The following GPC3 variants were observed in gnomAD, a reference collection of about 807,000 sequenced individuals.
The protein encoded by GPC3 is glypican-3.
Under a neutral mutation model 34.4 loss-of-function variants are expected in GPC3, and 3 were observed. The ratio of observed to expected loss-of-function variants is 0.09; its 90% CI spans 0.04 to 0.23. The LOEUF (loss-of-function observed/expected upper bound fraction) is 0.23. Ranked by LOEUF, GPC3 falls within the 10% of genes least tolerant of loss-of-function variation. The pLI is 1.00. For missense variants in GPC3, 351 were observed against 445.6 expected (o/e 0.79, Z 1.91); for synonymous variants, 177 against 174.0 (o/e 1.02, Z -0.13).
chrX:133,766,119 T>A (rs766744367), intron 2 of GPC3, among the ~76,000 whole-genome samples: 2 of 111,895 alleles, frequency 1.8e-5, no homozygotes, highest in East Asian at 5.6e-4. Flanking sequence ...TCTCTAAAGA[T>A]GTGTCCAATA....
chrX:133,677,219 C>T (rs1283394537), intron 5 of GPC3, among the ~76,000 whole-genome samples: 1 of 111,603 alleles, frequency 9.0e-6, no homozygotes, highest in African/African-American at 3.3e-5. Flanking sequence ...CCTGTAGCTC[C>T]AATAATACCT....
At chrX:133,862,473 G>A (rs1373755159) in intron 2 of GPC3, among the ~76,000 whole-genome samples, 4 of 104,833 alleles carry the variant, frequency 3.8e-5, no homozygotes, top group Non-Finnish European at 7.8e-5. Flanking sequence ...ACGGTCAGGA[G>A]TTTGAGACCA....
intron 2 of GPC3, among the ~76,000 whole-genome samples, chrX:133,795,468 G>A (rs760701403): frequency 1.6e-4 from 18 of 111,387 alleles, no homozygotes; most frequent in African/African-American, 5.5e-4. Context: ...GGTCAAGGTG[G>A]GGCGAGACAA....
intron 6 of GPC3, among the ~76,000 whole-genome samples, chrX:133,626,815 G>A (rs189717346): frequency 8.4e-5 from 9 of 107,088 alleles, no homozygotes; most frequent in Non-Finnish European, 1.7e-4. Flanking sequence ...CCATTACTGG[G>A]TATATACCCA....
intron 1 of GPC3, among the ~76,000 whole-genome samples, chrX:133,976,538 T>A (rs960340169): frequency 8.9e-6 from 1 of 111,930 alleles, no homozygotes; most frequent in Non-Finnish European, 1.9e-5. Flanking sequence ...ACATAAAACA[T>A]ATCCAAACAC....
At chrX:133,791,024 A>G (rs1473962255) in intron 2 of GPC3, among the ~76,000 whole-genome samples, 1 of 111,666 alleles carries the variant, frequency 9.0e-6, no homozygotes, top group East Asian at 2.8e-4. Flanking sequence ...CCAGTTCATT[A>G]GTGCTTTGAC....
chrX:133,739,688 AAAAAACAAAAAC>A (rs1569423610), intron 3 of GPC3, among the ~76,000 whole-genome samples: 1 of 110,081 alleles, frequency 9.1e-6, no homozygotes, highest in African/African-American at 3.3e-5. Context: ...TCTACTAAAA[AAAAAACAAAAAC>A]AAAAACAAAA....
chrX:133,648,986 G>T (rs1254797143), intron 6 of GPC3, among the ~76,000 whole-genome samples: 1 of 111,980 alleles, frequency 8.9e-6, no homozygotes, highest in East Asian at 2.8e-4. Context: ...ACTGTGCCTT[G>T]GAGTATAGTA....
chrX:133,858,725 G>A (rs760557187), intron 2 of GPC3, among the ~76,000 whole-genome samples: 13 of 111,514 alleles, frequency 1.2e-4, no homozygotes, highest in African/African-American at 4.2e-4. Flanking sequence ...GTTGGGGGGT[G>A]GGGAATCATA....
chrX:133,907,430 A>C (rs765195973), intron 2 of GPC3, among the ~76,000 whole-genome samples: 2 of 111,303 alleles, frequency 1.8e-5, no homozygotes, highest in Non-Finnish European at 3.8e-5. Context: ...CTTTTAAATG[A>C]AAAATTTAGA....
At chrX:133,661,341 TA>T (rs2070713907) in intron 6 of GPC3, among the ~76,000 whole-genome samples, 1 of 111,540 alleles carries the variant, frequency 9.0e-6, no homozygotes. Flanking sequence ...AGAGAACATG[TA>T]AAAATGAAAA....
At chrX:133,547,852 G>C (rs1425602304) in intron 7 of GPC3, among the ~76,000 whole-genome samples, 1 of 110,394 alleles carries the variant, frequency 9.1e-6, no homozygotes, top group African/African-American at 3.3e-5. Context: ...GTACAGACAT[G>C]GTTTCACCAT....
At chrX:133,929,401 GA>G (rs1406974112) in intron 2 of GPC3, among the ~76,000 whole-genome samples, 1 of 111,250 alleles carries the variant, frequency 9.0e-6, no homozygotes, top group African/African-American at 3.3e-5. Flanking sequence ...TTTGTAATTT[GA>G]AAAAAATATC....
chrX:133,668,750 C>G (rs2070796053), intron 5 of GPC3, among the ~76,000 whole-genome samples: 1 of 111,661 alleles, frequency 9.0e-6, no homozygotes, highest in Admixed American at 9.5e-5. Context: ...TGCCTAAAGT[C>G]ACACAGCTTG....
At chrX:133,754,556 T>C (rs1317699442) in intron 2 of GPC3, among the ~76,000 whole-genome samples, 2 of 112,686 alleles carry the variant, frequency 1.8e-5, no homozygotes, top group Non-Finnish European at 3.7e-5. Context: ...AAAGAAATTG[T>C]ATTTCAGGAC....
chrX:133,678,898 A>T (rs2070911261), intron 5 of GPC3, among the ~76,000 whole-genome samples: 1 of 112,276 alleles, frequency 8.9e-6, no homozygotes, highest in Admixed American at 9.4e-5. Context: ...TCTTATTTGT[A>T]TGCTTCGATT....
At chrX:133,622,210 G>A (rs1260699242) in intron 6 of GPC3, among the ~76,000 whole-genome samples, 1 of 112,002 alleles carries the variant, frequency 8.9e-6, no homozygotes, top group African/African-American at 3.2e-5. Flanking sequence ...AGAAACCAGA[G>A]CAGAAAAGCT....
chrX:133,711,403 C>T (rs1281381979), intron 3 of GPC3, among the ~76,000 whole-genome samples: 1 of 111,725 alleles, frequency 9.0e-6, no homozygotes, highest in African/African-American at 3.3e-5. Flanking sequence ...CATCTGGGCA[C>T]TTGTTGGAAA....
intron 2 of GPC3, among the ~76,000 whole-genome samples, chrX:133,879,042 G>A (rs746697055): frequency 2.7e-5 from 3 of 111,066 alleles, no homozygotes; most frequent in Non-Finnish European, 3.8e-5. Context: ...ATAGGGAATC[G>A]AGATATAAAA....
Sources: gnomAD v4.1 joint callset for allele counts (sites outside exome capture counted in the v4.1 genomes callset) on GRCh38, gnomAD v4.1.1 for gene constraint, MANE v1.5 for transcripts, NCBI Gene and HGNC (gene_info 2026-07-23, HGNC 2026-07-21) for gene names.